The following ADAM23 variants were observed in gnomAD, a reference collection of about 807,000 sequenced individuals.
The protein encoded by ADAM23 is disintegrin and metalloproteinase domain-containing protein 23.
Under a neutral mutation model 120.1 loss-of-function variants are expected in ADAM23, and 33 were observed. The ratio of observed to expected loss-of-function variants is 0.27; its 90% confidence interval spans 0.21 to 0.37. The LOEUF is 0.37. Among genes scored for constraint, ADAM23 ranks in the 10% least tolerant of loss-of-function variants. ADAM23 has a pLI of 1.00. For missense variants in ADAM23, 862 were observed against 1,058.2 expected (o/e 0.81, Z 2.57); for synonymous variants, 367 against 375.2 (o/e 0.98, Z 0.25).
chr2:206,601,177 A>G (rs1048645120), intron 24 of ADAM23, among the ~76,000 whole-genome samples: 2 of 152,212 alleles, frequency 1.3e-5, no homozygotes, highest in African/African-American at 4.8e-5. Context: ...CTCATTTGAT[A>G]GTTTACATCA....
At chr2:206,511,823 A>G (rs187695144) in intron 3 of ADAM23, among the ~76,000 whole-genome samples, 4 of 152,174 alleles carry the variant, frequency 2.6e-5, no homozygotes, top group Admixed American at 2.6e-4. Flanking sequence ...CTTTGTTGCT[A>G]TTTATGAGGA....
At chr2:206,452,123 A>AT (rs1695207047) in intron 2 of ADAM23, among the ~76,000 whole-genome samples, 3 of 152,364 alleles carry the variant, frequency 2.0e-5, no homozygotes, top group African/African-American at 7.2e-5. Flanking sequence ...TACAGGTAAG[A>AT]TGTGGCTCCT....
At chr2:206,456,933 T>C (rs1574477311) in intron 2 of ADAM23, among the ~76,000 whole-genome samples, 1 of 152,170 alleles carries the variant, frequency 6.6e-6, no homozygotes, top group East Asian at 1.9e-4. Context: ...CTGCATCAAG[T>C]TGTAGTCTGA....
intron 3 of ADAM23, among the ~76,000 whole-genome samples, chr2:206,512,935 T>G (rs1210534103): frequency 6.6e-6 from 1 of 152,162 alleles, no homozygotes; most frequent in African/African-American, 2.4e-5. Flanking sequence ...ATCAGTGATG[T>G]TTGATGTTAC....
chr2:206,509,212 C>G (rs74908723), intron 3 of ADAM23, among the ~76,000 whole-genome samples: 1 of 151,622 alleles, frequency 6.6e-6, no homozygotes, highest in Non-Finnish European at 1.5e-5. Context: ...AATGTCAAGT[C>G]GATACAAAAA....
At chr2:206,511,781 T>A (rs1696628645) in intron 3 of ADAM23, among the ~76,000 whole-genome samples, 1 of 152,222 alleles carries the variant, frequency 6.6e-6, no homozygotes, top group African/African-American at 2.4e-5. Context: ...GTAGGGAATG[T>A]GTAGTAATTT....
chr2:206,489,394 A>G (rs557143263), intron 3 of ADAM23, among the ~76,000 whole-genome samples: 89 of 152,180 alleles, frequency 5.8e-4, no homozygotes, highest in African/African-American at 1.9e-3. Context: ...AAGACTTCCA[A>G]TTTCACCTCT....
chr2:206,615,430 TGAAA>T (rs1231820299), intron 25 of ADAM23, among the ~76,000 whole-genome samples: 1 of 152,234 alleles, frequency 6.6e-6, no homozygotes, highest in Non-Finnish European at 1.5e-5. Flanking sequence ...AAAATTGAAC[TGAAA>T]GAATATTTTT....
intron 21 of ADAM23, among the ~76,000 whole-genome samples, chr2:206,589,757 T>A (rs1574552597): frequency 6.6e-6 from 1 of 152,306 alleles, no homozygotes; most frequent in Non-Finnish European, 1.5e-5. Context: ...GGTGCCACAT[T>A]TTACTTCATT....
intron 3 of ADAM23, among the ~76,000 whole-genome samples, chr2:206,530,127 A>G (rs760532918): frequency 1.3e-5 from 2 of 152,102 alleles, no homozygotes; most frequent in Admixed American, 6.5e-5. Flanking sequence ...TGTATTTTTT[A>G]ATGGTTGAAA....
chr2:206,543,441 A>G lies in ADAM23; in HGVS notation c.720+125A>G, dbSNP rs143684302. 2.8e-3 allele frequency: 2,155 copies of G among 765,418 alleles called. 27 individuals carry two copies. In the African/African-American group the frequency reaches 0.033, roughly 12 times the overall value. 47.4% of individuals were successfully genotyped at this position (765,418 alleles called of 1,614,324 possible). A position where few individuals can be genotyped will look rare whatever the true frequency, so the allele number is the denominator to read the frequency against. On this transcript the variant is annotated intron_variant, in intron 6 of 25. Coordinates refer to ENST00000264377, the MANE Select transcript of ADAM23 (RefSeq NM_003812.4). ...GTACATGTTAACTTATTTCAAACTT[A>G]GAGTAGTACCCTGAGTTTTGAAGTT... is the stretch of plus-strand genomic sequence containing the variant.
Position 206,571,832 on chromosome 2 carries a change from G to A in ADAM23, c.1656+16G>A. The A allele has an allele frequency of 6.2e-7, 1 of 1,607,192 alleles. No individual in the cohort carries two copies. Among genetic ancestry groups the A allele is most frequent in the South Asian group, 1.1e-5 (1 of 90,918 alleles). On this transcript the variant is annotated intron_variant, in intron 17 of 25. Coordinates refer to ENST00000264377, the MANE Select transcript of ADAM23 (RefSeq NM_003812.4). ...CTCATGTCTTGTGAGTTTTCTGACA[G>A]TTTCATCTTTCTTTTAATTGACAGA... is the stretch of plus-strand genomic sequence containing the variant.
chr2:206,542,746 A>G (rs147396242), intron 5 of ADAM23, among the ~76,000 whole-genome samples: 16 of 152,354 alleles, frequency 1.1e-4, no homozygotes, highest in African/African-American at 3.6e-4. Context: ...TGTATGACAT[A>G]GAGTCATACT....
rs942301475 is a variant in ADAM23, at chr2:206,531,104, T to C, written c.573+156T>C. ...TAGTGAGGAGAAATTTATTAAAATA[T>C]ACAAATGTTTGAGGTAACGTTAGGT... On this transcript the variant is annotated intron_variant, in intron 4 of 25. Transcript: ENST00000264377. 3.9e-5 allele frequency among the ~76,000 whole-genome samples: 6 copies of C among 152,204 alleles called. No individual in the cohort carries two copies. The East Asian group carries it at 1.2e-3, about 29-fold the overall frequency.
intron 2 of ADAM23, among the ~76,000 whole-genome samples, chr2:206,457,321 A>G (rs1695320051): frequency 6.6e-6 from 1 of 152,242 alleles, no homozygotes; most frequent in African/African-American, 2.4e-5. Flanking sequence ...TCAAAAGCCC[A>G]AACAAGTCAG....
rs1574519122 is a variant in ADAM23 at position 206,535,910 on chromosome 2, C to T, written c.573+4962C>T. ...ACATAGTGGGGATAGTTATACAACT[C>T]TGTGAATATGCGAAGAAAAACACTG... On this transcript the variant is annotated intron_variant, in intron 4 of 25. Coordinates refer to ENST00000264377, the MANE Select transcript of ADAM23 (RefSeq NM_003812.4). Among the ~76,000 whole-genome samples the T allele has an allele frequency of 2.0e-5, 3 of 152,216 alleles. No individual in the cohort carries two copies. In the South Asian group the frequency reaches 6.2e-4, roughly 32 times the overall value.
At chr2:206,494,391 T>G (rs940196965) in intron 3 of ADAM23, among the ~76,000 whole-genome samples, 1 of 152,160 alleles carries the variant, frequency 6.6e-6, no homozygotes, top group African/African-American at 2.4e-5. Context: ...TGGTAAAGGG[T>G]TTCTTTATAT....
At chr2:206,616,690 C>T (rs958134081) in intron 25 of ADAM23, among the ~76,000 whole-genome samples, 1 of 151,926 alleles carries the variant, frequency 6.6e-6, no homozygotes, top group Admixed American at 6.6e-5. Context: ...TTTGGGGACT[C>T]CTCAGTCTCC....
intron 3 of ADAM23, among the ~76,000 whole-genome samples, chr2:206,486,224 C>T (rs1285692086): frequency 2.6e-5 from 4 of 152,142 alleles, no homozygotes; most frequent in Non-Finnish European, 5.9e-5. Context: ...TTTAATTACA[C>T]TCCTCTCAGG....
Sources: gnomAD v4.1 joint callset for allele counts (sites outside exome capture counted in the v4.1 genomes callset) on GRCh38, gnomAD v4.1.1 for gene constraint, MANE v1.5 for transcripts, NCBI Gene and HGNC (gene_info 2026-07-23, HGNC 2026-07-21) for gene names.